Variants in GRIK1 observed in about 807,000 individuals in gnomAD.
GRIK1 encodes glutamate ionotropic receptor kainate type subunit 1, also known as glutamate receptor ionotropic, kainate 1.
A neutral mutation model predicts 105.7 loss-of-function variants in GRIK1; 69 were observed. The ratio of observed to expected loss-of-function variants is 0.65; its 90% CI spans 0.54 to 0.80. The LOEUF is 0.80. Among genes scored for constraint, GRIK1 ranks in the 30% least tolerant of loss-of-function variants. GRIK1 has a pLI of 0.00. For synonymous variants in GRIK1, 438 were observed against 431.3 expected, an observed-to-expected ratio of 1.02 and a Z score of -0.19; for missense variants, 1,109 against 1,167.3, an observed-to-expected ratio of 0.95 and a Z score of 0.73.
chr21:29,934,753 T>C lies in GRIK1; in HGVS notation c.118+4630A>G, dbSNP rs142365448. ...TAACTGAACTTACGCAAAGTCACTATCTCAATGAAAACCAGAGATCACAAA... is the reference window on the plus strand; with the variant it reads ...TAACTGAACTTACGCAAAGTCACTACCTCAATGAAAACCAGAGATCACAAA... On this transcript the variant is annotated intron_variant, in intron 1 of 17. Coordinates refer to ENST00000327783, the MANE Select transcript of GRIK1 (RefSeq NM_001330994.2). Among the ~76,000 whole-genome samples the C allele has an allele frequency of 2.6e-3, 402 of 152,262 alleles. 2 individuals are homozygous for C. Among genetic ancestry groups the C allele is most frequent in the African/African-American group, 9.4e-3 (390 of 41,548 alleles).
chr21:29,848,443 C>T (rs913329089), intron 1 of GRIK1, among the ~76,000 whole-genome samples: 13 of 152,104 alleles, frequency 8.5e-5, no homozygotes, highest in African/African-American at 3.1e-4. Context: ...ATTGAATCCT[C>T]CACTCACACC....
At chr21:29,929,707 T>C (rs760851497) in intron 1 of GRIK1, among the ~76,000 whole-genome samples, 80 of 152,228 alleles carry the variant, frequency 5.3e-4, no homozygotes, top group Non-Finnish European at 9.0e-4. Flanking sequence ...AACTCTTACA[T>C]GCTGTTGGCA....
At position 29,932,970 on chromosome 21, in the gene GRIK1, A is replaced by G. The variant is rs141609386; in HGVS notation, c.118+6413T>C. 3.1e-3 allele frequency among the ~76,000 whole-genome samples: 465 copies of G among 151,930 alleles called. 4 individuals are homozygous for G. The highest frequency in any genetic ancestry group is 0.011 in the African/African-American group (441 of 41,506). ...GTAAAATGGCTCCAGATCAAATTTT[A>G]TGCTAATAAAATGGTAAACCTTTAG... On this transcript the variant is annotated intron_variant, in intron 1 of 17. Coordinates refer to ENST00000327783, the MANE Select transcript of GRIK1 (RefSeq NM_001330994.2).
intron 1 of GRIK1, among the ~76,000 whole-genome samples, chr21:29,710,457 T>C (rs1336447562): frequency 6.6e-6 from 1 of 152,160 alleles, no homozygotes; most frequent in African/African-American, 2.4e-5. Flanking sequence ...AAAAAACTAA[T>C]CAGTGTGACT....
intron 1 of GRIK1, among the ~76,000 whole-genome samples, chr21:29,807,018 T>C (rs1489476071): frequency 4.6e-5 from 7 of 152,198 alleles, no homozygotes; most frequent in Admixed American, 4.6e-4. Flanking sequence ...CCCTTTTCCA[T>C]ACGACTTGAT....
chr21:29,620,045 A>C (rs1316347617), intron 7 of GRIK1, among the ~76,000 whole-genome samples: 1 of 152,346 alleles, frequency 6.6e-6, no homozygotes, highest in African/African-American at 2.4e-5. Flanking sequence ...TTCAACCTCT[A>C]TCCTTAGAGA....
intron 16 of GRIK1, among the ~76,000 whole-genome samples, chr21:29,539,975 A>G (rs1215913143): frequency 6.6e-6 from 1 of 152,176 alleles, no homozygotes; most frequent in East Asian, 1.9e-4. Flanking sequence ...GAATTTTCCC[A>G]AAAACCATTA....
At chr21:29,840,119 A>AGTCAATGTCCTTTTT (rs1240167246) in intron 1 of GRIK1, among the ~76,000 whole-genome samples, 1 of 152,176 alleles carries the variant, frequency 6.6e-6, no homozygotes. Flanking sequence ...GCACTTGATG[A>AGTCAATGTCCTTTTT]GTCAATGTCC....
intron 1 of GRIK1, among the ~76,000 whole-genome samples, chr21:29,721,993 T>C (rs2064334440): frequency 6.6e-6 from 1 of 152,160 alleles, no homozygotes; most frequent in African/African-American, 2.4e-5. Context: ...TTATTAACAA[T>C]GTATTTCCTG....
At chr21:29,785,528 C>T (rs973686776) in intron 1 of GRIK1, among the ~76,000 whole-genome samples, 21 of 138,646 alleles carry the variant, frequency 1.5e-4, no homozygotes, top group Admixed American at 3.1e-4. Flanking sequence ...TGCATCACTG[C>T]ACTCCAGCCT....
At position 29,626,833 on chromosome 21, in the gene GRIK1, G is replaced by C. The variant is rs74538395; in HGVS notation, c.1098+15993C>G. On this transcript the variant is annotated intron_variant, in intron 7 of 17. Coordinates refer to ENST00000327783, the MANE Select transcript of GRIK1 (RefSeq NM_001330994.2). ...ATTTTCAATATGAACCTCTGGCAAG[G>C]AGTCTTCCTTTTTGCCCTGGATGCC... is the stretch of plus-strand genomic sequence containing the variant. 4.3e-3 allele frequency among the ~76,000 whole-genome samples: 653 copies of C among 152,278 alleles called. 3 individuals are homozygous for C. Among genetic ancestry groups the C allele is most frequent in the African/African-American group, 0.015 (615 of 41,560 alleles).
chr21:29,915,087 T>A (rs1354718738), intron 1 of GRIK1, among the ~76,000 whole-genome samples: 1 of 152,080 alleles, frequency 6.6e-6, no homozygotes, highest in Non-Finnish European at 1.5e-5. Context: ...AATTAATTAA[T>A]GAAGACTTTA....
chr21:29,603,070 G>T (rs1173883990), intron 7 of GRIK1, among the ~76,000 whole-genome samples: 3 of 152,058 alleles, frequency 2.0e-5, no homozygotes, highest in Non-Finnish European at 4.4e-5. Context: ...AAATATTAAT[G>T]AAAATAGTTC....
chr21:29,753,154 T>A (rs1392308887), intron 1 of GRIK1, among the ~76,000 whole-genome samples: 1 of 152,234 alleles, frequency 6.6e-6, no homozygotes, highest in Non-Finnish European at 1.5e-5. Context: ...TGGAAAAGAA[T>A]ATTGGCCCAC....
chr21:29,649,979 C>CCT (rs2062698734), intron 6 of GRIK1, among the ~76,000 whole-genome samples: 1 of 152,150 alleles, frequency 6.6e-6, no homozygotes, highest in Non-Finnish European at 1.5e-5. Flanking sequence ...TCTGGTGTTC[C>CCT]CTCTCCCTTT....
intron 1 of GRIK1, among the ~76,000 whole-genome samples, chr21:29,790,563 C>G (rs1439173198): frequency 6.6e-6 from 1 of 151,846 alleles, no homozygotes. Context: ...TCAGGTGACT[C>G]TCCCACCTCA....
chr21:29,753,086 A>C (rs562568116), intron 1 of GRIK1, among the ~76,000 whole-genome samples: 1 of 152,326 alleles, frequency 6.6e-6, no homozygotes, highest in East Asian at 1.9e-4. Context: ...TGGTGAGTGC[A>C]TGCATGCATG....
chr21:29,558,172 G>A (rs1266945885), intron 15 of GRIK1, among the ~76,000 whole-genome samples: 1 of 152,054 alleles, frequency 6.6e-6, no homozygotes, highest in Non-Finnish European at 1.5e-5. Flanking sequence ...ATTTTGTGTT[G>A]TGACTCTGCC....
At chr21:29,539,322 A>G (rs2089932923) in intron 16 of GRIK1, among the ~76,000 whole-genome samples, 1 of 152,198 alleles carries the variant, frequency 6.6e-6, no homozygotes, top group African/African-American at 2.4e-5. Flanking sequence ...AGCTTACCTT[A>G]TACACACATG....
Sources: gnomAD v4.1 joint callset for allele counts (sites outside exome capture counted in the v4.1 genomes callset) on GRCh38, gnomAD v4.1.1 for gene constraint, MANE v1.5 for transcripts, NCBI Gene and HGNC (gene_info 2026-07-23, HGNC 2026-07-21) for gene names.